Variants in GPC5 observed in about 807,000 individuals in gnomAD.
The protein encoded by GPC5 is glypican 5.
A neutral mutation model predicts 53.9 loss-of-function variants in GPC5; 47 were observed. The observed-to-expected ratio is 0.87, with a 90% confidence interval of 0.69 to 1.11. The LOEUF is 1.11. Among genes scored for constraint, GPC5 ranks in the 50% most tolerant of loss-of-function variants. GPC5 has a pLI of 0.00. For synonymous variants in GPC5, 286 were observed against 263.3 expected (o/e 1.09, Z -0.84); for missense variants, 748 against 713.1 (o/e 1.05, Z -0.56).
chr13:91,528,989 C>T lies in GPC5; in HGVS notation c.325+80067C>T, dbSNP rs181962108. 3.9e-5 allele frequency among the ~76,000 whole-genome samples: 6 copies of T among 152,224 alleles called. No homozygotes were observed. In the South Asian group the frequency reaches 6.2e-4, roughly 16 times the overall value. ...CCCTCCACACGTCAGTATTACAGTT[C>T]GAGTTGAGATTCCAGTGGGGACACA... On this transcript the variant is annotated intron_variant, in intron 2 of 7. Coordinates refer to ENST00000377067, the MANE Select transcript of GPC5 (RefSeq NM_004466.6).
At chr13:92,801,943 A>G (rs985540618) in intron 7 of GPC5, among the ~76,000 whole-genome samples, 67 of 151,842 alleles carry the variant, frequency 4.4e-4, no homozygotes, top group African/African-American at 1.5e-3. Context: ...AGAGTAAGCT[A>G]TGGTTATTAT....
intron 7 of GPC5, among the ~76,000 whole-genome samples, chr13:92,678,509 T>C (rs1441671773): frequency 6.6e-6 from 1 of 152,152 alleles, no homozygotes; most frequent in Non-Finnish European, 1.5e-5. Context: ...CTGCTAGTAA[T>C]AGGACCAGCA....
intron 7 of GPC5, among the ~76,000 whole-genome samples, chr13:92,634,546 A>G (rs181999811): frequency 6.6e-6 from 1 of 152,168 alleles, no homozygotes; most frequent in Admixed American, 6.5e-5. Context: ...TATGCTTACC[A>G]TTCTGTACTT....
At chr13:91,599,251 G>A (rs563703375) in intron 2 of GPC5, among the ~76,000 whole-genome samples, 15 of 151,876 alleles carry the variant, frequency 9.9e-5, no homozygotes, top group Non-Finnish European at 1.5e-5. Context: ...TTCTCATTTG[G>A]CTAAATGTCA....
chr13:92,531,255 T>G (rs1328090624), intron 7 of GPC5, among the ~76,000 whole-genome samples: 1 of 152,062 alleles, frequency 6.6e-6, no homozygotes, highest in African/African-American at 2.4e-5. Context: ...ATATTAATAT[T>G]AGGTAAGAAT....
chr13:92,301,400 G>T (rs963217234), intron 7 of GPC5, among the ~76,000 whole-genome samples: 2 of 151,908 alleles, frequency 1.3e-5, no homozygotes, highest in African/African-American at 2.4e-5. Flanking sequence ...GTGTAGATAA[G>T]CACTAAAAAG....
chr13:91,804,141 T>G (rs2138784936), intron 5 of GPC5, among the ~76,000 whole-genome samples: 1 of 152,354 alleles, frequency 6.6e-6, no homozygotes, highest in Non-Finnish European at 1.5e-5. Flanking sequence ...GACCCTAGGC[T>G]TCCTTGTACC....
chr13:91,972,437 C>G (rs887512542), intron 6 of GPC5, among the ~76,000 whole-genome samples: 76 of 152,174 alleles, frequency 5.0e-4, no homozygotes, highest in African/African-American at 1.8e-3. Context: ...CAGTCTGTGT[C>G]TTTTAATTGG....
chr13:91,459,512 T>C (rs1881793024), intron 2 of GPC5, among the ~76,000 whole-genome samples: 1 of 119,390 alleles, frequency 8.4e-6, no homozygotes, highest in African/African-American at 3.3e-5. Context: ...GTAAAATATA[T>C]CAGGGTTGCA....
intron 7 of GPC5, among the ~76,000 whole-genome samples, chr13:92,792,657 C>A (rs965057393): frequency 6.6e-6 from 1 of 151,976 alleles, no homozygotes; most frequent in Non-Finnish European, 1.5e-5. Context: ...CATGTGCAGA[C>A]ACACATAGAC....
intron 2 of GPC5, among the ~76,000 whole-genome samples, chr13:91,686,468 C>A (rs563952786): frequency 7.3e-4 from 111 of 151,886 alleles, no homozygotes; most frequent in African/African-American, 2.6e-3. Context: ...ATTAATATTC[C>A]AGAAAACTTT....
chr13:91,912,280 A>T, intron 6 of GPC5, among the ~76,000 whole-genome samples: 3 of 152,204 alleles, frequency 2.0e-5, no homozygotes, highest in Middle Eastern at 6.8e-3. Flanking sequence ...GACTCAGGAG[A>T]CGGAGGCTGC....
intron 6 of GPC5, among the ~76,000 whole-genome samples, chr13:92,009,743 G>GA (rs1240531551): frequency 3.3e-5 from 5 of 152,112 alleles, no homozygotes; most frequent in African/African-American, 1.2e-4. Flanking sequence ...AATGTCACTT[G>GA]AAAACCCCAT....
intron 6 of GPC5, among the ~76,000 whole-genome samples, chr13:92,086,586 A>C (rs979851550): frequency 1.5e-4 from 23 of 151,288 alleles, no homozygotes; most frequent in African/African-American, 5.3e-4. Flanking sequence ...ACATTATTTG[A>C]TCTCCTGTAG....
At chr13:91,964,288 G>A (rs963259232) in intron 6 of GPC5, among the ~76,000 whole-genome samples, 3 of 152,302 alleles carry the variant, frequency 2.0e-5, no homozygotes, top group Non-Finnish European at 2.9e-5. Flanking sequence ...GGTGGAAAGA[G>A]ACCCCAGCAG....
At chr13:92,826,604 T>C (rs752427162) in intron 7 of GPC5, among the ~76,000 whole-genome samples, 3 of 152,168 alleles carry the variant, frequency 2.0e-5, no homozygotes, top group Non-Finnish European at 4.4e-5. Context: ...GTTGGAAATG[T>C]TTGAGAATCT....
chr13:92,329,916 GT>G (rs1402694582), intron 7 of GPC5, among the ~76,000 whole-genome samples: 1 of 152,122 alleles, frequency 6.6e-6, no homozygotes, highest in Non-Finnish European at 1.5e-5. Flanking sequence ...CTCCATAATT[GT>G]TTTTGAGTTA....
At chr13:91,440,627 C>G (rs1042269617) in intron 1 of GPC5, among the ~76,000 whole-genome samples, 1 of 152,062 alleles carries the variant, frequency 6.6e-6, no homozygotes, top group Non-Finnish European at 1.5e-5. Context: ...CATGTTATAT[C>G]GACTCTTCAT....
At position 91,551,668 on chromosome 13, in the gene GPC5, G is replaced by A. The variant is rs559465645; in HGVS notation, c.325+102746G>A. Among the ~76,000 whole-genome samples the A allele has an allele frequency of 5.9e-5, 9 of 152,134 alleles. No homozygotes were observed. In the East Asian group the frequency reaches 9.7e-4, roughly 16 times the overall value. Reference sequence around the variant, plus strand: ...TGAGAATTCTAGATTTATATACTGCGGAGTCAGAGATGACCTTTGTTTCTT... The same window carrying A: ...TGAGAATTCTAGATTTATATACTGCAGAGTCAGAGATGACCTTTGTTTCTT... On this transcript the variant is annotated intron_variant, in intron 2 of 7. Transcript: ENST00000377067.
Sources: gnomAD v4.1 joint callset for allele counts (sites outside exome capture counted in the v4.1 genomes callset) on GRCh38, gnomAD v4.1.1 for gene constraint, MANE v1.5 for transcripts, NCBI Gene and HGNC (gene_info 2026-07-23, HGNC 2026-07-21) for gene names.